The following CNTRL variants were observed in gnomAD, a reference collection of about 807,000 sequenced individuals.
CNTRL encodes the protein 110 kDa centrosomal protein.
In CNTRL, 233 loss-of-function variants were observed where a neutral mutation model predicts 303.7. The observed-to-expected ratio is 0.77, with a 90% CI of 0.69 to 0.86. The LOEUF (loss-of-function observed/expected upper bound fraction) is 0.86. Among genes scored for constraint, CNTRL ranks in the 40% least tolerant of loss-of-function variants. CNTRL has a pLI of 0.00. For synonymous variants in CNTRL, 900 were observed against 922.2 expected, an observed-to-expected ratio of 0.98 and a Z score of 0.44; for missense variants, 2,524 against 2,650.6, an observed-to-expected ratio of 0.95 and a Z score of 1.05.
At chr9:121,102,037 C>G (rs555467410) in intron 7 of CNTRL, among the ~76,000 whole-genome samples, 1 of 152,322 alleles carries the variant, frequency 6.6e-6, no homozygotes, top group Admixed American at 6.5e-5. Flanking sequence ...GGAATCCACC[C>G]TAACTCATTT....
At position 121,124,084 on chromosome 9, in the gene CNTRL, G is replaced by T. The variant is rs767569641; in HGVS notation, c.1804G>T (p.Gly602Cys). ...GGACCTTGAAGAACAGCTTACTGAA[G>T]GTAAGACTTTCAGTATGATTTAAGG... Reference protein sequence around the residue: ...IKDLEEQLTEGQIAANEALKK... With the variant: ...IKDLEEQLTECQIAANEALKK... Residue 602 changes from glycine to cysteine, a missense_variant and splice_region_variant, in exon 13 of 44, where the codon GGC (glycine) becomes TGC (cysteine). Gly to Cys is a radical substitution (Grantham distance 159). Coordinates refer to ENST00000373855, the MANE Select transcript of CNTRL (RefSeq NM_007018.6). The T allele has an allele frequency of 3.3e-5, 53 of 1,597,924 alleles. No homozygotes were observed. The highest frequency in any genetic ancestry group is 4.3e-5 in the Non-Finnish European group (51 of 1,174,338).
chr9:121,094,952 G>A lies in CNTRL; in HGVS notation c.413G>A (p.Gly138Glu). The A allele has an allele frequency of 6.3e-7, 1 of 1,599,790 alleles. No homozygotes were observed. The highest frequency in any genetic ancestry group is 8.5e-7 in the Non-Finnish European group (1 of 1,169,632). The change falls in exon 5 of 44, where the codon GGG becomes GAG. Residue 138 changes from glycine to glutamate, a missense_variant. Transcript: ENST00000373855. The stretch of plus-strand genomic sequence containing the variant: ...CTGAATCTCAGCTATAATCTAATAG[G>A]GAAGATTGAAAAGTTGGACAAGCTG... The part of the protein sequence containing the change: ...EVLNLSYNLI[G>E]KIEKLDKLLK...
intron 7 of CNTRL, among the ~76,000 whole-genome samples, chr9:121,104,942 G>A (rs371340449): frequency 7.2e-5 from 11 of 152,124 alleles, no homozygotes; most frequent in South Asian, 2.1e-4. Flanking sequence ...ACTCCCAACC[G>A]CAGGTGATCC....
At position 121,099,770 on chromosome 9, in the gene CNTRL, T is replaced by C. The variant is rs566698410; in HGVS notation, c.808+1198T>C. Among the ~76,000 whole-genome samples the C allele has an allele frequency of 1.8e-3, 270 of 152,190 alleles. 1 individual carries two copies. Among genetic ancestry groups the C allele is most frequent in the African/African-American group, 6.1e-3 (252 of 41,504 alleles). On this transcript the variant is annotated intron_variant, in intron 7 of 43. Coordinates refer to ENST00000373855, the MANE Select transcript of CNTRL (RefSeq NM_007018.6). The stretch of plus-strand genomic sequence containing the variant: ...AGAACTACGTGACACATGCACAAGC[T>C]TCAGTAGCTGATTCGATCAACTGGA...
At chr9:121,144,297 G>C (rs2051702906) in intron 20 of CNTRL, among the ~76,000 whole-genome samples, 1 of 152,090 alleles carries the variant, frequency 6.6e-6, no homozygotes, top group Non-Finnish European at 1.5e-5. Flanking sequence ...ACTGAGCCCT[G>C]AAAGGAATCA....
chr9:121,133,354 A>G (rs1426469791), intron 14 of CNTRL, among the ~76,000 whole-genome samples: 3 of 152,180 alleles, frequency 2.0e-5, no homozygotes, highest in Non-Finnish European at 4.4e-5. Context: ...GCAATGGTGA[A>G]CGCCCCTCCC....
intron 2 of CNTRL, among the ~76,000 whole-genome samples, chr9:121,080,731 T>G (rs1222343620): frequency 6.6e-6 from 1 of 152,174 alleles, no homozygotes; most frequent in Non-Finnish European, 1.5e-5. Context: ...AAATTGAATA[T>G]ATTAATAGAT....
At chr9:121,088,641 T>C in intron 3 of CNTRL, 98 bp downstream of exon 3, 4 of 683,524 alleles carry the variant, frequency 5.9e-6, no homozygotes, top group Non-Finnish European at 1.0e-5. Context: ...AACATTCTGG[T>C]ACTAATTTGA....
chr9:121,165,127 G>C (rs745444295), intron 35 of CNTRL, 27 bp downstream of exon 35: 1 of 1,526,380 alleles, frequency 6.6e-7, no homozygotes, highest in Non-Finnish European at 8.8e-7. Flanking sequence ...CAGTGAAAGT[G>C]TGTGATTTCC....
chr9:121,157,590 C>A lies in CNTRL; in HGVS notation c.4486C>A (p.Gln1496Lys). The A allele has an allele frequency of 6.2e-7, 1 of 1,613,932 alleles. No homozygotes were observed. The highest frequency in any genetic ancestry group is 1.1e-5 in the South Asian group (1 of 91,064). ...ETAVNLVKAD[Q>K]QLRSLQADAK... ...TGCTGTTAACCTCGTCAAAGCTGAT[C>A]AGCAGCTAAGGTAGGTGGATTCCCT... is the stretch of plus-strand genomic sequence containing the variant. The change falls in exon 28 of 44, where the codon CAG becomes AAG. Residue 1496 changes from glutamine (Q) to lysine (K), a missense_variant. Transcript: ENST00000373855.
rs753769506 is a variant in CNTRL at position 121,090,306 on chromosome 9, T to C, written c.249T>C (p.Ile83=). 10 of 1,611,654 alleles carry C rather than the reference T, an allele frequency of 6.2e-6. No homozygotes were observed. Among genetic ancestry groups the C allele is most frequent in the Non-Finnish European group, 8.5e-6 (10 of 1,178,778 alleles). Residue 83 remains isoleucine (I), a synonymous_variant, in exon 4 of 44, where the codon ATT becomes ATC. Transcript: ENST00000373855. ...ATTCACATGCAGGAGTTAGATATATTACAGAGGCCCTCATTAAAAAACTTA... is the reference window on the plus strand; with the variant it reads ...ATTCACATGCAGGAGTTAGATATATCACAGAGGCCCTCATTAAAAAACTTA... ...GADSHAGVRY[I]TEALIKKLTK...
At chr9:121,132,941 T>C (rs56682597) in intron 14 of CNTRL, among the ~76,000 whole-genome samples, 12,321 of 152,228 alleles carry the variant, frequency 0.081, 1,176 homozygotes, top group African/African-American at 0.22. Flanking sequence ...CTCCAGACCC[T>C]GTTTGCCTCG....
chr9:121,138,590 G>C lies in CNTRL; in HGVS notation c.2248G>C (p.Ala750Pro), dbSNP rs766439710. ...LQAELEKERQ[A>P]LKNALGKAQF... is the part of the protein sequence containing the mutation. The stretch of plus-strand genomic sequence containing the variant: ...AGCAGAACTTGAGAAGGAAAGGCAA[G>C]CCCTCAAGAATGCCCTTGGAAAAGC... Residue 750 changes from alanine to proline, a missense_variant, in exon 16 of 44, where the codon GCC (alanine) becomes CCC (proline). By Grantham distance (27) the Ala-to-Pro change is conservative. Coordinates refer to ENST00000373855, the MANE Select transcript of CNTRL (RefSeq NM_007018.6). The C allele has an allele frequency of 2.9e-5, 46 of 1,613,842 alleles. No homozygotes were observed. The highest frequency in any genetic ancestry group is 3.6e-5 in the Non-Finnish European group (43 of 1,179,866).
chr9:121,121,585 C>G (rs1014950728), intron 12 of CNTRL, among the ~76,000 whole-genome samples: 2 of 152,208 alleles, frequency 1.3e-5, no homozygotes, highest in Non-Finnish European at 2.9e-5. Context: ...TTGCTTTTCT[C>G]TATTGGGAAA....
intron 7 of CNTRL, among the ~76,000 whole-genome samples, chr9:121,106,336 C>A: frequency 1.9e-5 from 1 of 53,980 alleles, no homozygotes; most frequent in South Asian, 1.3e-3. Flanking sequence ...GAGACTCCGT[C>A]CAAAAAAAAA....
intron 43 of CNTRL, among the ~76,000 whole-genome samples, chr9:121,176,882 G>C (rs1008387131): frequency 6.6e-6 from 1 of 152,182 alleles, no homozygotes; most frequent in African/African-American, 2.4e-5. Flanking sequence ...AGAACCACTA[G>C]ACAGTTACTG....
rs1179146051 is a variant in CNTRL, at chr9:121,168,133, A to G, written c.5882A>G (p.Glu1961Gly). The change falls in exon 38 of 44, where the codon GAA becomes GGA. Residue 1961 changes from glutamate (E) to glycine (G), a missense_variant. Coordinates refer to ENST00000373855, the MANE Select transcript of CNTRL (RefSeq NM_007018.6). ...QRLQKERESE[E>G]SKLETSKVTL... ...CTCCAGAAAGAGAGAGAAAGTGAAGAAAGCAAATTAGAAACCAGTAAAGTG... is the reference window on the plus strand; with the variant it reads ...CTCCAGAAAGAGAGAGAAAGTGAAGGAAGCAAATTAGAAACCAGTAAAGTG... 1 of 1,613,674 alleles carries G rather than the reference A, an allele frequency of 6.2e-7. No homozygotes were observed. Among genetic ancestry groups the G allele is most frequent in the Non-Finnish European group, 8.5e-7 (1 of 1,180,024 alleles).
rs1025821001 is a variant in CNTRL at position 121,169,811 on chromosome 9, C to T, written c.6271C>T (p.Leu2091Phe). 6.2e-7 allele frequency: 1 copy of T among 1,613,770 alleles called. No individual in the cohort carries two copies. Residue 2091 changes from leucine (L) to phenylalanine (F), a missense_variant, in exon 39 of 44, where the codon CTT (leucine) becomes TTT (phenylalanine). Transcript: ENST00000373855. ...CCAGCGGAGCCAGCTGGAGAAAAAC[C>T]TTCTTGTGAGTACCTGCTGCCGTGG... ...KIQRSQLEKNLLEQKQENSCI... is the reference protein window; with the variant it reads ...KIQRSQLEKNFLEQKQENSCI...
intron 12 of CNTRL, chr9:121,122,332 T>G: frequency 2.2e-6 from 2 of 905,980 alleles, no homozygotes; most frequent in Non-Finnish European, 2.6e-6. Flanking sequence ...CAAAATACCA[T>G]AAAGCTTTAC....
Sources: allele counts gnomAD v4.1 joint callset (sites outside exome capture counted in the v4.1 genomes callset), GRCh38; gene constraint gnomAD v4.1.1; transcripts MANE v1.5; gene names NCBI Gene and HGNC (gene_info 2026-07-23, HGNC 2026-07-21).